The following COL22A1 variants were observed in gnomAD, a reference collection of about 807,000 sequenced individuals.
COL22A1 encodes the protein collagen type XXII alpha 1 chain.
COL22A1 carries 221 observed loss-of-function variants against 248.9 expected under a neutral mutation model. The ratio of observed to expected loss-of-function variants is 0.89; its 90% CI spans 0.80 to 0.99. COL22A1 has a LOEUF of 0.99. Among genes scored for constraint, COL22A1 ranks in the 50% least tolerant of loss-of-function variants. The pLI, the probability that COL22A1 is intolerant of heterozygous loss-of-function variation, is 0.00. For synonymous variants in COL22A1, 891 were observed against 793.4 expected (o/e 1.12, Z -2.07); for missense variants, 2,240 against 2,179.0 (o/e 1.03, Z -0.56).
chr8:138,590,796 A>G (rs1011848387), intron 64 of COL22A1, among the ~76,000 whole-genome samples: 1 of 152,228 alleles, frequency 6.6e-6, no homozygotes, highest in Admixed American at 6.5e-5. Flanking sequence ...AGATCTTCCA[A>G]CATGGCTACT....
At chr8:138,806,050 G>GT (rs1305357737) in intron 10 of COL22A1, among the ~76,000 whole-genome samples, 78 of 5,760 alleles carry the variant, frequency 0.014, no homozygotes, top group African/African-American at 0.022. Context: ...GATGGTGTAG[G>GT]TAATGGTGTG....
chr8:138,755,952 C>T, intron 18 of COL22A1, 123 bp from the exon 19 acceptor site: 1 of 775,742 alleles, frequency 1.3e-6, no homozygotes, highest in Non-Finnish European at 2.2e-6. Context: ...CACCACCACA[C>T]ATATCTTCGT....
intron 23 of COL22A1, among the ~76,000 whole-genome samples, chr8:138,730,904 G>GAC: frequency 6.6e-6 from 1 of 152,042 alleles, no homozygotes; most frequent in South Asian, 2.1e-4. Context: ...GGGAGGAAGA[G>GAC]ACACACACAC....
intron 1 of COL22A1, among the ~76,000 whole-genome samples, chr8:138,905,830 C>G (rs1814964003): frequency 6.6e-6 from 1 of 152,204 alleles, no homozygotes; most frequent in African/African-American, 2.4e-5. Context: ...TATTCTTCAA[C>G]CTCAAAGACT....
chr8:138,688,865 G>A, intron 37 of COL22A1, 52 bp downstream of exon 37: 2 of 1,501,920 alleles, frequency 1.3e-6, no homozygotes, highest in South Asian at 1.1e-5. Context: ...TTCAGTGCCT[G>A]TAAGAAGTTA....
At chr8:138,715,282 G>A (rs971931637) in intron 30 of COL22A1, among the ~76,000 whole-genome samples, 1 of 152,128 alleles carries the variant, frequency 6.6e-6, no homozygotes, top group African/African-American at 2.4e-5. Context: ...TACAGGCCGG[G>A]CATGGTGTCT....
intron 16 of COL22A1, among the ~76,000 whole-genome samples, chr8:138,769,587 C>T (rs1251882164): frequency 1.3e-5 from 2 of 152,146 alleles, no homozygotes; most frequent in Admixed American, 6.5e-5. Flanking sequence ...AGCAGCACAT[C>T]CTAAGGTGTC....
At chr8:138,752,707 G>T (rs1486882278) in intron 21 of COL22A1, among the ~76,000 whole-genome samples, 1 of 152,212 alleles carries the variant, frequency 6.6e-6, no homozygotes, top group African/African-American at 2.4e-5. Flanking sequence ...GATGCAGAAT[G>T]CTGAACACTG....
intron 46 of COL22A1, among the ~76,000 whole-genome samples, chr8:138,647,526 G>A (rs1441624955): frequency 6.6e-6 from 1 of 152,186 alleles, no homozygotes; most frequent in Non-Finnish European, 1.5e-5. Context: ...GTGCGTGTTT[G>A]TGCTTTACAA....
intron 7 of COL22A1, among the ~76,000 whole-genome samples, chr8:138,817,101 A>G (rs112499501): frequency 0.018 from 2,763 of 152,320 alleles, 69 homozygotes; most frequent in African/African-American, 0.059. Context: ...AGGTGAGGCC[A>G]CTGGCCTGGG....
At chr8:138,793,899 G>C (rs1291220807) in intron 12 of COL22A1, among the ~76,000 whole-genome samples, 1 of 152,192 alleles carries the variant, frequency 6.6e-6, no homozygotes, top group Non-Finnish European at 1.5e-5. Context: ...GAGAGGAAAG[G>C]CTGGTCCCAG....
intron 11 of COL22A1, 57 bp from the exon 12 acceptor site, chr8:138,796,914 T>G (rs1052577216): frequency 1.9e-4 from 212 of 1,106,780 alleles, no homozygotes; most frequent in Middle Eastern, 3.9e-4. Context: ...GGCATGACAT[T>G]GCAAATGGCA....
intron 5 of COL22A1, chr8:138,827,161 C>G (rs1819655213): frequency 4.0e-6 from 1 of 248,140 alleles, no homozygotes; most frequent in African/African-American, 2.2e-5. Context: ...TCAGCCAGGA[C>G]AAATGGATAT....
chr8:138,714,214 G>A (rs1236346381), intron 30 of COL22A1, among the ~76,000 whole-genome samples: 1 of 152,146 alleles, frequency 6.6e-6, no homozygotes, highest in Non-Finnish European at 1.5e-5. Context: ...TCCCACCCGT[G>A]GTTCTGTAGG....
At chr8:138,891,112 T>A (rs977769730) in intron 1 of COL22A1, among the ~76,000 whole-genome samples, 2 of 151,962 alleles carry the variant, frequency 1.3e-5, no homozygotes, top group Non-Finnish European at 2.9e-5. Context: ...TATGGTAGCA[T>A]CAAAAAGGAT....
intron 63 of COL22A1, among the ~76,000 whole-genome samples, chr8:138,592,317 C>T (rs1587616545): frequency 6.6e-6 from 1 of 152,122 alleles, no homozygotes; most frequent in African/African-American, 2.4e-5. Context: ...CTTGTTTTGC[C>T]ATATTGTTTC....
chr8:138,609,059 C>T (rs903909575), intron 56 of COL22A1, among the ~76,000 whole-genome samples: 20 of 152,348 alleles, frequency 1.3e-4, no homozygotes, highest in Non-Finnish European at 2.5e-4. Context: ...AGCATGCATT[C>T]ACAAATGCGT....
rs1255942905 is a variant in COL22A1 at position 138,704,151 on chromosome 8, C to T, written c.2518-804G>A. ...GAGGCTCGAACTGGGTGGAGCCAAC[C>T]ACAGCTTAAGGAGGCCTGCCTGCCT... On this transcript the variant is annotated intron_variant, in intron 30 of 64. Transcript: ENST00000303045. Among the ~76,000 whole-genome samples, 3 of 152,184 alleles carry T rather than the reference C, an allele frequency of 2.0e-5. No homozygotes were observed. The East Asian group carries it at 5.8e-4, about 29-fold the overall frequency.
At position 138,778,392 on chromosome 8, in the gene COL22A1, T is replaced by G. The variant is rs1313215398; in HGVS notation, c.1719A>C (p.Pro573=). 6.2e-7 allele frequency: 1 copy of G among 1,605,640 alleles called. No homozygotes were observed. ...GEVGMRGPQG[P]PGLPGPPGRV... Reference sequence around the variant, plus strand: ...GTCCAGGAGGTCCGGGGAGTCCAGGTGGTCCTTGGGGCCCCTGCAGAAGAG... The same window carrying G: ...GTCCAGGAGGTCCGGGGAGTCCAGGGGGTCCTTGGGGCCCCTGCAGAAGAG... The change falls in exon 15 of 65, where the codon CCA becomes CCC. Residue 573 remains proline (P), a synonymous_variant. Coordinates refer to ENST00000303045, the MANE Select transcript of COL22A1 (RefSeq NM_152888.3).
Sources: gnomAD v4.1 joint callset for allele counts (sites outside exome capture counted in the v4.1 genomes callset) on GRCh38, gnomAD v4.1.1 for gene constraint, MANE v1.5 for transcripts, NCBI Gene and HGNC (gene_info 2026-07-23, HGNC 2026-07-21) for gene names.